Variants in DLGAP1 observed in about 807,000 individuals in gnomAD.
DLGAP1 encodes DLG associated protein 1.
Under a neutral mutation model 90.8 loss-of-function variants are expected in DLGAP1, and 11 were observed. That is an observed-to-expected ratio of 0.12 (90% confidence interval 0.08 to 0.20). The LOEUF (loss-of-function observed/expected upper bound fraction) is 0.20. DLGAP1 is among the 10% of genes least tolerant of loss of function. The pLI, the probability that DLGAP1 is intolerant of heterozygous loss-of-function variation, is 1.00. For synonymous variants in DLGAP1, 558 were observed against 540.7 expected, an observed-to-expected ratio of 1.03 and a Z score of -0.44; for missense variants, 1,050 against 1,333.8, an observed-to-expected ratio of 0.79 and a Z score of 3.31.
At chr18:4,293,815 A>T (rs1312729328) in intron 1 of DLGAP1, 1 of 152,126 alleles carries the variant, frequency 6.6e-6, no homozygotes, top group Admixed American at 6.6e-5. Context: ...CCTCACCTCC[A>T]CCCAACCTCC....
Position 4,076,200 on chromosome 18 carries a change from T to C in DLGAP1, c.-158-70999A>G, listed in dbSNP as rs552643978. ...CTTTTCTCCTTAAAAACACACCATA[T>C]ATTTTATTTAAAAAAATTATATGCC... On this transcript the variant is annotated intron_variant, in intron 2 of 12. Transcript: ENST00000315677. Among the ~76,000 whole-genome samples the C allele has an allele frequency of 1.6e-4, 24 of 152,324 alleles. No homozygotes were observed. The South Asian group carries it at 5.0e-3, about 32-fold the overall frequency.
intron 7 of DLGAP1, chr18:3,722,294 T>G (rs2062010510): frequency 6.6e-6 from 1 of 152,238 alleles, no homozygotes; most frequent in Non-Finnish European, 1.5e-5. Flanking sequence ...GCACATGGTA[T>G]TCTTCAGATT....
At chr18:4,026,785 TCA>T (rs2074706272) in intron 2 of DLGAP1, among the ~76,000 whole-genome samples, 1 of 152,204 alleles carries the variant, frequency 6.6e-6, no homozygotes, top group African/African-American at 2.4e-5. Flanking sequence ...AAAAACCTTT[TCA>T]CAGTCTTTGT....
At chr18:4,029,129 C>A (rs2074751725) in intron 2 of DLGAP1, among the ~76,000 whole-genome samples, 1 of 152,114 alleles carries the variant, frequency 6.6e-6, no homozygotes, top group Admixed American at 6.5e-5. Context: ...CTATGCCTGG[C>A]TTATTTCACT....
intron 7 of DLGAP1, among the ~76,000 whole-genome samples, chr18:3,688,655 ACACACACACAC>A (rs1567965644): frequency 0.022 from 2,980 of 136,736 alleles, 66 homozygotes; most frequent in South Asian, 0.033. Flanking sequence ...ACACACACAC[ACACACACACAC>A]ACCCTACCAA....
At chr18:3,574,975 C>T (rs372528637) in intron 8 of DLGAP1, among the ~76,000 whole-genome samples, 14 of 151,534 alleles carry the variant, frequency 9.2e-5, no homozygotes, top group African/African-American at 2.2e-4. Context: ...CCACCACGCC[C>T]AGCTAATTTT....
At chr18:4,432,189 T>C (rs2083297515) in intron 1 of DLGAP1, among the ~76,000 whole-genome samples, 1 of 152,206 alleles carries the variant, frequency 6.6e-6, no homozygotes, top group South Asian at 2.1e-4. Flanking sequence ...GCTTAAACTT[T>C]GCAAGAATTT....
At chr18:4,175,484 T>A (rs1364050486) in intron 1 of DLGAP1, among the ~76,000 whole-genome samples, 1 of 152,234 alleles carries the variant, frequency 6.6e-6, no homozygotes, top group African/African-American at 2.4e-5. Flanking sequence ...TGTCATGAAA[T>A]CTTTGCCCAT....
At chr18:4,055,706 C>T (rs535164688) in intron 2 of DLGAP1, among the ~76,000 whole-genome samples, 10 of 152,140 alleles carry the variant, frequency 6.6e-5, no homozygotes, top group African/African-American at 1.9e-4. Context: ...ACCCTGGGAG[C>T]GACCTGGCAC....
At chr18:4,142,004 G>A (rs952808958) in intron 2 of DLGAP1, among the ~76,000 whole-genome samples, 8 of 152,088 alleles carry the variant, frequency 5.3e-5, no homozygotes, top group African/African-American at 1.9e-4. Flanking sequence ...GTGCTGTCAT[G>A]TATTCCTGGA....
chr18:3,570,330 G>A (rs1429073325), intron 8 of DLGAP1, among the ~76,000 whole-genome samples: 2 of 150,716 alleles, frequency 1.3e-5, no homozygotes, highest in South Asian at 2.1e-4. Context: ...CCAGGTTAGA[G>A]TGCAGTGGTA....
intron 2 of DLGAP1, among the ~76,000 whole-genome samples, chr18:4,075,221 A>G (rs370560191): frequency 2.0e-5 from 3 of 152,288 alleles, no homozygotes; most frequent in African/African-American, 7.2e-5. Flanking sequence ...ATGCATTCTT[A>G]TTTCAATGCT....
intron 7 of DLGAP1, among the ~76,000 whole-genome samples, chr18:3,677,273 A>C (rs1375871523): frequency 6.6e-6 from 1 of 151,998 alleles, no homozygotes; most frequent in Non-Finnish European, 1.5e-5. Flanking sequence ...CACCGTAATC[A>C]CTCCTTCACG....
chr18:4,045,677 T>C (rs1265773445), intron 2 of DLGAP1, among the ~76,000 whole-genome samples: 2 of 151,802 alleles, frequency 1.3e-5, no homozygotes, highest in African/African-American at 4.8e-5. Context: ...TCTCCTACCA[T>C]TTAATTAATA....
chr18:3,821,281 T>A (rs549610479), intron 4 of DLGAP1, among the ~76,000 whole-genome samples: 2 of 92,708 alleles, frequency 2.2e-5, no homozygotes, highest in East Asian at 6.7e-4. Context: ...AGAGTGAGAC[T>A]CTGTGTCAAA....
At chr18:4,421,994 G>A (rs1304760466) in intron 1 of DLGAP1, among the ~76,000 whole-genome samples, 2 of 152,170 alleles carry the variant, frequency 1.3e-5, no homozygotes, top group African/African-American at 4.8e-5. Flanking sequence ...GATTACAGGT[G>A]TGAGCCACCA....
chr18:3,537,991 A>G (rs1359317474), intron 9 of DLGAP1, among the ~76,000 whole-genome samples: 2 of 152,196 alleles, frequency 1.3e-5, no homozygotes, highest in African/African-American at 4.8e-5. Context: ...ATTATGTGGG[A>G]TTTTAAAAAA....
At chr18:4,012,652 C>CA (rs2074446758) in intron 2 of DLGAP1, among the ~76,000 whole-genome samples, 1 of 152,008 alleles carries the variant, frequency 6.6e-6, no homozygotes, top group African/African-American at 2.4e-5. Context: ...ATGTATTTGA[C>CA]ATTTGTCTTT....
chr18:3,664,218 C>CACACACACA lies in DLGAP1; in HGVS notation c.1591+64916_1591+64917insTGTGTGTGT, dbSNP rs1555620386. Among the ~76,000 whole-genome samples the CACACACACA allele has an allele frequency of 1.8e-4, 14 of 75,836 alleles. 1 individual carries two copies. The highest frequency in any genetic ancestry group is 8.1e-4 in the African/African-American group (14 of 17,244). The allele number at this position is 75,836 out of a possible 152,430, so 49.8% of individuals were successfully genotyped here. A position where few individuals can be genotyped will look rare whatever the true frequency, so the allele number is the denominator to read the frequency against. ...CACACACACACACACACACACACAC[C>CACACACACA]CACACACACACACACACACGGATAT... On this transcript the variant is annotated intron_variant, in intron 7 of 12. Transcript: ENST00000315677.
Sources: allele counts gnomAD v4.1 joint callset (sites outside exome capture counted in the v4.1 genomes callset), GRCh38; gene constraint gnomAD v4.1.1; transcripts MANE v1.5; gene names NCBI Gene and HGNC (gene_info 2026-07-23, HGNC 2026-07-21).